The following TRAPPC9 variants were observed in gnomAD, a reference collection of about 807,000 sequenced individuals.
TRAPPC9 encodes IKK2 binding protein.
In TRAPPC9, 83 loss-of-function variants were observed where a neutral mutation model predicts 124.0. The ratio of observed to expected loss-of-function variants is 0.67; its 90% CI spans 0.56 to 0.80. The LOEUF (loss-of-function observed/expected upper bound fraction) is 0.80. Ranked by LOEUF, TRAPPC9 falls within the 30% of genes least tolerant of loss-of-function variation. The pLI is 0.00. For missense variants in TRAPPC9, 1,302 were observed against 1,508.3 expected, an observed-to-expected ratio of 0.86 and a Z score of 2.27; for synonymous variants, 638 against 617.5, an observed-to-expected ratio of 1.03 and a Z score of -0.49.
chr8:139,819,085 T>C (rs1357420464), intron 21 of TRAPPC9, among the ~76,000 whole-genome samples: 2 of 152,214 alleles, frequency 1.3e-5, no homozygotes, highest in Non-Finnish European at 2.9e-5. Flanking sequence ...CCACATCGTT[T>C]GTATTCCTGC....
At chr8:140,204,077 T>C (rs1252163007) in intron 17 of TRAPPC9, among the ~76,000 whole-genome samples, 1 of 152,002 alleles carries the variant, frequency 6.6e-6, no homozygotes, top group Non-Finnish European at 1.5e-5. Context: ...TGGTGGAAGG[T>C]GTTTGGGTCA....
chr8:139,973,314 CT>C (rs1214279637), intron 19 of TRAPPC9, among the ~76,000 whole-genome samples: 45 of 152,346 alleles, frequency 3.0e-4, no homozygotes, highest in African/African-American at 1.0e-3. Context: ...GCCAGCGCCC[CT>C]GGACAGTCCA....
intron 4 of TRAPPC9, among the ~76,000 whole-genome samples, chr8:140,430,240 G>A (rs557082854): frequency 6.6e-6 from 1 of 152,172 alleles, no homozygotes; most frequent in South Asian, 2.1e-4. Flanking sequence ...AATAGCAAAG[G>A]ATATCCTTAT....
intron 19 of TRAPPC9, chr8:139,932,121 C>T (rs144078999): frequency 4.2e-5 from 15 of 357,900 alleles, no homozygotes; most frequent in African/African-American, 1.3e-4. Context: ...CGGCTGAGGG[C>T]GGGGTGCTGG....
chr8:140,236,185 C>T (rs574715290), intron 16 of TRAPPC9, among the ~76,000 whole-genome samples: 6 of 149,768 alleles, frequency 4.0e-5, no homozygotes, highest in East Asian at 2.0e-4. Context: ...CAGGCTCAAG[C>T]GATTCTCCTG....
chr8:140,131,052 G>A (rs904849567), intron 17 of TRAPPC9, among the ~76,000 whole-genome samples: 4 of 151,946 alleles, frequency 2.6e-5, no homozygotes, highest in East Asian at 1.9e-4. Context: ...ATTTTAAAAG[G>A]GTACTTTTAA....
At chr8:140,289,864 G>C (rs967513479) in intron 12 of TRAPPC9, among the ~76,000 whole-genome samples, 6 of 152,188 alleles carry the variant, frequency 3.9e-5, no homozygotes, top group Non-Finnish European at 5.9e-5. Flanking sequence ...CCTCCCGAGC[G>C]CACCTCGAGA....
chr8:139,965,514 G>A (rs532192875), intron 19 of TRAPPC9, among the ~76,000 whole-genome samples: 24 of 152,290 alleles, frequency 1.6e-4, no homozygotes, highest in African/African-American at 5.3e-4. Flanking sequence ...TCATTGAGCC[G>A]AAAATGATGC....
At chr8:140,074,815 C>A (rs1218698797) in intron 17 of TRAPPC9, among the ~76,000 whole-genome samples, 6 of 152,152 alleles carry the variant, frequency 3.9e-5, no homozygotes, top group African/African-American at 1.4e-4. Context: ...GAACGTCGGG[C>A]ACAGACAGGA....
intron 21 of TRAPPC9, among the ~76,000 whole-genome samples, chr8:139,847,251 G>C (rs1827139993): frequency 6.6e-6 from 1 of 152,240 alleles, no homozygotes; most frequent in Non-Finnish European, 1.5e-5. Context: ...AAAACCAATA[G>C]AGGTTTTCTG....
At chr8:139,839,525 G>A (rs1210771821) in intron 21 of TRAPPC9, among the ~76,000 whole-genome samples, 1 of 152,218 alleles carries the variant, frequency 6.6e-6, no homozygotes, top group Non-Finnish European at 1.5e-5. Flanking sequence ...TCTCAGGGGA[G>A]TAGACAGTAG....
At chr8:139,938,801 A>G (rs2665913) in intron 19 of TRAPPC9, among the ~76,000 whole-genome samples, 133,008 of 149,334 alleles carry the variant, frequency 0.89, 59,324 homozygotes, top group Middle Eastern at 0.99. Context: ...GCCCGCCACC[A>G]CGCCCGGCTA....
chr8:139,845,359 A>G (rs554827350), intron 21 of TRAPPC9, among the ~76,000 whole-genome samples: 71 of 152,288 alleles, frequency 4.7e-4, no homozygotes, highest in African/African-American at 1.6e-3. Context: ...AGGCCTTTAT[A>G]AACATATACG....
chr8:140,434,304 G>A (rs925710617), intron 4 of TRAPPC9, among the ~76,000 whole-genome samples: 1 of 152,152 alleles, frequency 6.6e-6, no homozygotes, highest in Non-Finnish European at 1.5e-5. Context: ...GCCATTAAAG[G>A]CAGGTTCATT....
chr8:139,989,598 C>T (rs1837494169), intron 18 of TRAPPC9, among the ~76,000 whole-genome samples: 1 of 152,240 alleles, frequency 6.6e-6, no homozygotes, highest in Non-Finnish European at 1.5e-5. Flanking sequence ...CATTCCCCTT[C>T]CTTTCTCCCT....
chr8:140,132,360 C>A (rs1163409418), intron 17 of TRAPPC9, among the ~76,000 whole-genome samples: 1 of 152,220 alleles, frequency 6.6e-6, no homozygotes, highest in Admixed American at 6.5e-5. Context: ...TTGACACCCA[C>A]GGGTCTTTTT....
At chr8:140,060,632 C>A (rs964420212) in intron 17 of TRAPPC9, among the ~76,000 whole-genome samples, 2 of 143,304 alleles carry the variant, frequency 1.4e-5, no homozygotes, top group Non-Finnish European at 3.1e-5. Flanking sequence ...CCCTACCCAT[C>A]CCTGCCCACG....
rs565941184 is a variant in TRAPPC9, at chr8:140,063,169, T to A, written c.2557-39090A>T. On this transcript the variant is annotated intron_variant, in intron 17 of 22. Coordinates refer to ENST00000438773, the MANE Select transcript of TRAPPC9 (RefSeq NM_001160372.4). This position sits in a 1 kb window ranked among gnomAD's most constrained non-coding sequence, Gnocchi z 4.3. ...GGGGGAAGCGGCCACTGTGATTCAA[T>A]GACCTCCACCTGGTCTCTCCCTTGA... Among the ~76,000 whole-genome samples, 186 of 152,296 alleles carry A rather than the reference T, an allele frequency of 1.2e-3. 1 individual carries two copies. The highest frequency in any genetic ancestry group is 1.8e-3 in the Non-Finnish European group (123 of 68,018).
At chr8:140,053,429 G>C (rs532687371) in intron 17 of TRAPPC9, among the ~76,000 whole-genome samples, 1 of 152,172 alleles carries the variant, frequency 6.6e-6, no homozygotes, top group Non-Finnish European at 1.5e-5. Context: ...AAGATACTTG[G>C]TACAATTTCA....
Sources: gnomAD v4.1 joint callset for allele counts (sites outside exome capture counted in the v4.1 genomes callset) on GRCh38, gnomAD v4.1.1 for gene constraint, Gnocchi (gnomAD v3.1) non-coding constraint, MANE v1.5 for transcripts, NCBI Gene and HGNC (gene_info 2026-07-23, HGNC 2026-07-21) for gene names.